Variants in CEP83 observed in about 807,000 individuals in gnomAD.
The protein encoded by CEP83 is centrosomal protein 83.
CEP83 carries 70 observed loss-of-function variants against 101.9 expected under a neutral mutation model. The observed-to-expected ratio is 0.69, with a 90% CI of 0.57 to 0.84. CEP83 has a LOEUF of 0.84. Among genes scored for constraint, CEP83 ranks in the 40% least tolerant of loss-of-function variants. The pLI is 0.00. For missense variants in CEP83, 715 were observed against 787.2 expected (o/e 0.91, Z 1.10); for synonymous variants, 264 against 267.9 (o/e 0.99, Z 0.14).
At chr12:94,441,070 T>C (rs1291636366) in intron 1 of CEP83, among the ~76,000 whole-genome samples, 1 of 152,124 alleles carries the variant, frequency 6.6e-6, no homozygotes, top group East Asian at 1.9e-4. Flanking sequence ...CCTGAAACCA[T>C]AAAAATTCTA....
At position 94,333,608 on chromosome 12, in the gene CEP83, G is replaced by A; in HGVS notation, c.1451C>T (p.Ser484Leu). 6.2e-7 allele frequency: 1 copy of A among 1,613,374 alleles called. No individual in the cohort carries two copies. Among genetic ancestry groups the A allele is most frequent in the Non-Finnish European group, 8.5e-7 (1 of 1,179,676 alleles). ...CAAGTCATTCTCTGACTGTGCAAGT[G>A]AAGTCACTTGGATCTGCAAACTACT... ...QISSLQIQVT[S>L]LAQSENDLLN... The change falls in exon 13 of 17, where the codon TCA becomes TTA. Residue 484 changes from serine (S) to leucine (L), a missense_variant. Physicochemically the swap from Ser to Leu is moderately radical, Grantham distance 145. Transcript: ENST00000397809.
intron 14 of CEP83, among the ~76,000 whole-genome samples, chr12:94,318,034 T>C (rs1283641634): frequency 1.3e-5 from 2 of 152,208 alleles, no homozygotes; most frequent in Non-Finnish European, 2.9e-5. Flanking sequence ...TTTAATGATA[T>C]TGATTCTTCC....
intron 8 of CEP83, among the ~76,000 whole-genome samples, chr12:94,370,569 G>A (rs1301483713): frequency 1.3e-5 from 2 of 152,018 alleles, no homozygotes; most frequent in Non-Finnish European, 2.9e-5. Flanking sequence ...GTAGCAATAG[G>A]GTCTTGCTAT....
the CEP83 span, chr12:94,277,658 T>G: frequency 6.4e-6 from 2 of 313,828 alleles, no homozygotes; most frequent in South Asian, 5.3e-5. Context: ...GCTGGCAGCC[T>G]CCTCCTTATT....
At chr12:94,403,095 T>A in intron 5 of CEP83, 75 bp downstream of exon 5, 2 of 771,014 alleles carry the variant, frequency 2.6e-6, no homozygotes, top group Non-Finnish European at 4.5e-6. Flanking sequence ...GGTTTTGGGG[T>A]AGGGGAATGA....
chr12:94,378,976 C>G lies in CEP83; in HGVS notation c.616G>C (p.Asp206His). 1 of 1,613,884 alleles carries G rather than the reference C, an allele frequency of 6.2e-7. No individual in the cohort carries two copies. Among genetic ancestry groups the G allele is most frequent in the Non-Finnish European group, 8.5e-7 (1 of 1,179,860 alleles). Reference sequence around the variant, plus strand: ...GCAAGTTGTTCCACTCGTTTGCTGTCTTTTGTGAGATCAACATTAAGCAGC... The same window carrying G: ...GCAAGTTGTTCCACTCGTTTGCTGTGTTTTGTGAGATCAACATTAAGCAGC... ...NQLLNVDLTK[D>H]SKRVEQLARE... is the part of the protein sequence containing the mutation. Residue 206 changes from aspartate to histidine, a missense_variant, in exon 7 of 17, where the codon GAC becomes CAC. By Grantham distance (81) the Asp-to-His change is moderately conservative (BLOSUM62 -1). Coordinates refer to ENST00000397809, the MANE Select transcript of CEP83 (RefSeq NM_016122.3).
chr12:94,319,043 C>T (rs1249542831), intron 14 of CEP83, among the ~76,000 whole-genome samples: 1 of 151,990 alleles, frequency 6.6e-6, no homozygotes, highest in Admixed American at 6.6e-5. Context: ...TGGCCCTGGG[C>T]TTTTTTTGGT....
At chr12:94,379,662 C>CAG (rs528775845) in intron 6 of CEP83, among the ~76,000 whole-genome samples, 8 of 152,036 alleles carry the variant, frequency 5.3e-5, no homozygotes, top group Non-Finnish European at 1.0e-4. Flanking sequence ...ACTTGCAGAG[C>CAG]AGAGACACCA....
intron 1 of CEP83, among the ~76,000 whole-genome samples, chr12:94,446,565 G>T (rs560547323): frequency 1.3e-5 from 2 of 151,972 alleles, no homozygotes; most frequent in Non-Finnish European, 2.9e-5. Flanking sequence ...AAAATTAGCC[G>T]GGTGTGGTGG....
At chr12:94,292,640 AC>A in the CEP83 span, among the ~76,000 whole-genome samples, 1 of 152,194 alleles carries the variant, frequency 6.6e-6, no homozygotes, top group African/African-American at 2.4e-5. Context: ...TAGTGACAGG[AC>A]CCATGTTTAA....
intron 14 of CEP83, among the ~76,000 whole-genome samples, chr12:94,320,988 C>T (rs1217509220): frequency 6.6e-6 from 1 of 152,134 alleles, no homozygotes; most frequent in Non-Finnish European, 1.5e-5. Flanking sequence ...TTGCTTTCTC[C>T]CCAACCCTTT....
the CEP83 span, chr12:94,280,098 G>C: frequency 2.5e-5 from 8 of 324,610 alleles, no homozygotes; most frequent in South Asian, 2.0e-4. Flanking sequence ...CTGCTAGAAA[G>C]GTCATCTTCC....
At chr12:94,380,561 G>T (rs747617290) in intron 6 of CEP83, among the ~76,000 whole-genome samples, 3 of 152,092 alleles carry the variant, frequency 2.0e-5, no homozygotes, top group Non-Finnish European at 4.4e-5. Flanking sequence ...TTTAAATGAA[G>T]AACTTGGGCT....
chr12:94,284,464 A>G, the CEP83 span, among the ~76,000 whole-genome samples: 2 of 152,208 alleles, frequency 1.3e-5, no homozygotes, highest in Non-Finnish European at 2.9e-5. Context: ...TCACCGTCTT[A>G]TAACAGTGAA....
intron 7 of CEP83, among the ~76,000 whole-genome samples, chr12:94,377,135 T>C (rs1423076069): frequency 6.6e-6 from 1 of 152,238 alleles, no homozygotes; most frequent in African/African-American, 2.4e-5. Flanking sequence ...GTTCGACTTA[T>C]GATGGGGTTA....
intron 11 of CEP83, among the ~76,000 whole-genome samples, chr12:94,352,641 C>A (rs747729862): frequency 2.0e-5 from 3 of 151,890 alleles, no homozygotes; most frequent in Non-Finnish European, 4.4e-5. Context: ...CTGAGAGACA[C>A]AGATATCATA....
the CEP83 span, among the ~76,000 whole-genome samples, chr12:94,266,773 G>C: frequency 3.3e-5 from 5 of 152,368 alleles, no homozygotes; most frequent in Non-Finnish European, 7.3e-5. Flanking sequence ...TGAGGATTAA[G>C]AGTCAGTATT....
At chr12:94,286,616 CA>C in the CEP83 span, among the ~76,000 whole-genome samples, 9,397 of 101,176 alleles carry the variant, frequency 0.093, 180 homozygotes, top group Admixed American at 0.12. Flanking sequence ...TGCTTAAAAG[CA>C]AAAAAAAAAA....
the CEP83 span, among the ~76,000 whole-genome samples, chr12:94,268,112 A>T: frequency 6.6e-6 from 1 of 152,172 alleles, no homozygotes; most frequent in Non-Finnish European, 1.5e-5. Flanking sequence ...ACACGTTTGG[A>T]AAAAAGGCCC....
Sources: gnomAD v4.1 joint callset for allele counts (sites outside exome capture counted in the v4.1 genomes callset) on GRCh38, gnomAD v4.1.1 for gene constraint, MANE v1.5 for transcripts, NCBI Gene and HGNC (gene_info 2026-07-23, HGNC 2026-07-21) for gene names.